The following PCDHGA12 variants were observed in gnomAD, a reference collection of about 807,000 sequenced individuals.
PCDHGA12 encodes the protein protocadherin gamma subfamily A, 12, also known as protocadherin gamma-A12.
Under a neutral mutation model 61.1 loss-of-function variants are expected in PCDHGA12, and 43 were observed. The ratio of observed to expected loss-of-function variants is 0.70; its 90% CI spans 0.55 to 0.91. PCDHGA12 has a LOEUF of 0.91. Among genes scored for constraint, PCDHGA12 ranks in the 40% least tolerant of loss-of-function variants. The probability of loss-of-function intolerance (pLI) is 0.00; values close to 1 mark genes in which losing one functional copy is unlikely to be tolerated. For missense variants in PCDHGA12, 1,236 were observed against 1,227.7 expected, an observed-to-expected ratio of 1.01 and a Z score of -0.10; for synonymous variants, 520 against 542.9, an observed-to-expected ratio of 0.96 and a Z score of 0.59.
intron 1 of PCDHGA12, among the ~76,000 whole-genome samples, chr5:141,466,884 T>G (rs901947336): frequency 2.6e-5 from 4 of 152,212 alleles, no homozygotes; most frequent in Admixed American, 1.3e-4. Flanking sequence ...TTTCATAATA[T>G]GCATTTTCCA....
At chr5:141,448,150 C>T (rs1182411283) in intron 1 of PCDHGA12, among the ~76,000 whole-genome samples, 4 of 151,924 alleles carry the variant, frequency 2.6e-5, no homozygotes, top group Non-Finnish European at 5.9e-5. Flanking sequence ...CTCAGACTCA[C>T]CCCTGAAAGA....
Position 141,431,168 on chromosome 5 carries a change from G to A in PCDHGA12, c.409G>A (p.Glu137Lys), listed in dbSNP as rs779778442. The change falls in exon 1 of 4, where the codon GAA (glutamate) becomes AAA (lysine). Residue 137 changes from glutamate (E) to lysine (K), a missense_variant. Glu to Lys is a moderately conservative substitution (Grantham distance 56, BLOSUM62 1). Coordinates refer to ENST00000252085, the MANE Select transcript of PCDHGA12 (RefSeq NM_003735.3). This position sits in a 1 kb window ranked among gnomAD's most constrained non-coding sequence, Gnocchi z 4.8. Reference sequence around the variant, plus strand: ...CAATGCGCCTTACTTTCGTGAAAGTGAATTAGAAATAAAAATTAGTGAAAA... The same window carrying A: ...CAATGCGCCTTACTTTCGTGAAAGTAAATTAGAAATAAAAATTAGTGAAAA... ...NDNAPYFRES[E>K]LEIKISENAA... The A allele has an allele frequency of 9.9e-6, 16 of 1,614,206 alleles. No individual in the cohort carries two copies. The Admixed American group carries it at 1.2e-4, about 12-fold the overall frequency.
chr5:141,496,533 G>A (rs2099769399), intron 2 of PCDHGA12, among the ~76,000 whole-genome samples: 2 of 152,176 alleles, frequency 1.3e-5, no homozygotes, highest in Admixed American at 1.3e-4. Context: ...GTGTATGGCA[G>A]AGATTCCAGC....
chr5:141,465,801 C>T (rs1380215288), intron 1 of PCDHGA12, among the ~76,000 whole-genome samples: 2 of 151,400 alleles, frequency 1.3e-5, no homozygotes, highest in Non-Finnish European at 2.9e-5. Context: ...TTAAGAAACC[C>T]TTCAGGATCT....
At chr5:141,472,369 G>A (rs1194465676) in intron 1 of PCDHGA12, among the ~76,000 whole-genome samples, 2 of 151,770 alleles carry the variant, frequency 1.3e-5, no homozygotes, top group Admixed American at 6.6e-5. Flanking sequence ...GTGAAACCCC[G>A]TCTCCACTAA....
Position 141,485,563 on chromosome 5 carries a change from C to T in PCDHGA12, c.2425-9244C>T, listed in dbSNP as rs746689576. The T allele has an allele frequency of 1.2e-5, 19 of 1,612,904 alleles. No homozygotes were observed. In the South Asian group the frequency reaches 1.6e-4, roughly 14 times the overall value. ...AGATCGTAGATGTGAATGATCACGCCCCCCGTTTTCCGCGGCAGCAGCTGG... is the reference window on the plus strand; with the variant it reads ...AGATCGTAGATGTGAATGATCACGCTCCCCGTTTTCCGCGGCAGCAGCTGG... On this transcript the variant is annotated intron_variant, in intron 1 of 3. Coordinates refer to ENST00000252085, the MANE Select transcript of PCDHGA12 (RefSeq NM_003735.3). This position sits in a 1 kb window ranked among gnomAD's most constrained non-coding sequence, Gnocchi z 5.7.
chr5:141,499,073 G>T (rs2099789305), intron 2 of PCDHGA12, among the ~76,000 whole-genome samples: 1 of 152,064 alleles, frequency 6.6e-6, no homozygotes, highest in Admixed American at 6.5e-5. Flanking sequence ...CTTACATTCT[G>T]AAGTTCCTGC....
At chr5:141,475,762 G>A (rs4151701) in intron 1 of PCDHGA12, among the ~76,000 whole-genome samples, 9,255 of 152,346 alleles carry the variant, frequency 0.061, 562 homozygotes, top group African/African-American at 0.16. Context: ...CACCGATACT[G>A]GCAAGGCGCT....
At chr5:141,455,058 C>G (rs1350223657) in intron 1 of PCDHGA12, among the ~76,000 whole-genome samples, 9 of 151,814 alleles carry the variant, frequency 5.9e-5, no homozygotes, top group Admixed American at 5.9e-4. Context: ...GTGATCCGCC[C>G]GCCTCGGCCT....
At chr5:141,446,143 T>G (rs2098490523) in intron 1 of PCDHGA12, among the ~76,000 whole-genome samples, 1 of 152,204 alleles carries the variant, frequency 6.6e-6, no homozygotes, top group Admixed American at 6.5e-5. Flanking sequence ...AATAATGGAA[T>G]AGGTGGAATA....
At chr5:141,472,778 G>T (rs1244170163) in intron 1 of PCDHGA12, among the ~76,000 whole-genome samples, 1 of 151,878 alleles carries the variant, frequency 6.6e-6, no homozygotes, top group Non-Finnish European at 1.5e-5. Flanking sequence ...CTGAGGTTGG[G>T]AGTTCAAGAT....
chr5:141,469,974 T>C (rs1456176152), intron 1 of PCDHGA12, among the ~76,000 whole-genome samples: 1 of 151,864 alleles, frequency 6.6e-6, no homozygotes, highest in African/African-American at 2.4e-5. Context: ...GTACCAAAAA[T>C]ACAAAAATTA....
At chr5:141,505,616 C>T in intron 3 of PCDHGA12, 135 bp downstream of exon 3, 2 of 1,503,162 alleles carry the variant, frequency 1.3e-6, no homozygotes, top group South Asian at 1.3e-5. Flanking sequence ...CTGAAAGGAC[C>T]CACAATTCCA....
intron 2 of PCDHGA12, among the ~76,000 whole-genome samples, chr5:141,496,888 TAA>T (rs35063790): frequency 6.7e-5 from 9 of 134,018 alleles, no homozygotes; most frequent in Non-Finnish European, 4.9e-5. Flanking sequence ...AAGTAACACT[TAA>T]AAAAAAAAAA....
chr5:141,489,971 C>A lies in PCDHGA12; in HGVS notation c.2425-4836C>A, dbSNP rs1254025468. 1 of 1,614,060 alleles carries A rather than the reference C, an allele frequency of 6.2e-7. No homozygotes were observed. The highest frequency in any genetic ancestry group is 1.3e-5 in the African/African-American group (1 of 74,944). Reference sequence around the variant, plus strand: ...AATGATAATGCTCCAACCTTCCAATCCTCAGTTCTACGTGTGGGAATCCCA... The same window carrying A: ...AATGATAATGCTCCAACCTTCCAATACTCAGTTCTACGTGTGGGAATCCCA... On this transcript the variant is annotated intron_variant, in intron 1 of 3. Transcript: ENST00000252085. The surrounding 1 kb of genome is among the most constrained non-coding windows in gnomAD (Gnocchi z 4.5).
At chr5:141,453,852 T>A (rs905734700) in intron 1 of PCDHGA12, among the ~76,000 whole-genome samples, 5 of 152,164 alleles carry the variant, frequency 3.3e-5, no homozygotes, top group African/African-American at 1.2e-4. Context: ...ACAGAGCACT[T>A]TGAAAATAAC....
At chr5:141,474,062 C>A (rs745636246) in intron 1 of PCDHGA12, among the ~76,000 whole-genome samples, 2 of 152,104 alleles carry the variant, frequency 1.3e-5, no homozygotes, top group Non-Finnish European at 2.9e-5. Context: ...AGAGCGAGAT[C>A]CTGCCTCAGA....
Position 141,486,319 on chromosome 5 carries a change from C to T in PCDHGA12, c.2425-8488C>T, listed in dbSNP as rs148184642. The T allele has an allele frequency of 1.7e-4, 268 of 1,614,058 alleles. No individual in the cohort carries two copies. The African/African-American group carries it at 1.7e-3, about 10-fold the overall frequency. Reference sequence around the variant, plus strand: ...TGCAGGATCCAGACTCAGGGTCAAACGGAGATGTGAGCCTCCGCATTCCTG... The same window carrying T: ...TGCAGGATCCAGACTCAGGGTCAAATGGAGATGTGAGCCTCCGCATTCCTG... On this transcript the variant is annotated intron_variant, in intron 1 of 3. Transcript: ENST00000252085. The surrounding 1 kb of genome is among the most constrained non-coding windows in gnomAD (Gnocchi z 5.0).
chr5:141,501,947 T>A (rs2099811963), intron 2 of PCDHGA12, among the ~76,000 whole-genome samples: 1 of 152,152 alleles, frequency 6.6e-6, no homozygotes, highest in Non-Finnish European at 1.5e-5. Context: ...CTGCTCCCTG[T>A]GACAGGTCAT....
Sources: allele counts gnomAD v4.1 joint callset (sites outside exome capture counted in the v4.1 genomes callset), GRCh38; gene constraint gnomAD v4.1.1; non-coding constraint Gnocchi (gnomAD v3.1); transcripts MANE v1.5; gene names NCBI Gene and HGNC (gene_info 2026-07-23, HGNC 2026-07-21).